TMEM132D: variants seen among roughly 807,000 people sequenced by gnomAD.
TMEM132D encodes the protein transmembrane protein 132D, also known as mature OL transmembrane protein.
In TMEM132D, 21 loss-of-function variants were observed where a neutral mutation model predicts 62.3. The observed-to-expected ratio is 0.34, with a 90% CI of 0.24 to 0.49. TMEM132D has a LOEUF of 0.49. Ranked by LOEUF, TMEM132D falls within the 20% of genes least tolerant of loss-of-function variation. TMEM132D has a pLI of 0.99. For synonymous variants in TMEM132D, 621 were observed against 575.6 expected (o/e 1.08, Z -1.13); for missense variants, 1,346 against 1,402.8 (o/e 0.96, Z 0.65).
chr12:129,352,000 A>G (rs79415290), intron 3 of TMEM132D, among the ~76,000 whole-genome samples: 6,233 of 152,160 alleles, frequency 0.041, 407 homozygotes, highest in African/African-American at 0.14. Flanking sequence ...GCAACTCTTC[A>G]GATTAAGGAT....
intron 4 of TMEM132D, among the ~76,000 whole-genome samples, chr12:129,317,381 T>C (rs1014583189): frequency 6.6e-6 from 1 of 152,220 alleles, no homozygotes; most frequent in African/African-American, 2.4e-5. Flanking sequence ...AAAACGATTG[T>C]ATCTTTCCTT....
chr12:129,572,815 T>A (rs1877555732), intron 2 of TMEM132D, among the ~76,000 whole-genome samples: 1 of 152,062 alleles, frequency 6.6e-6, no homozygotes, highest in African/African-American at 2.4e-5. Context: ...TAATTACTCC[T>A]TAGATTCTTT....
intron 2 of TMEM132D, among the ~76,000 whole-genome samples, chr12:129,679,452 C>T (rs1352129132): frequency 2.0e-5 from 3 of 152,000 alleles, no homozygotes; most frequent in African/African-American, 2.4e-5. Flanking sequence ...AACTTTTATT[C>T]GTAAATATAT....
chr12:129,336,319 T>G (rs145622834), intron 4 of TMEM132D, among the ~76,000 whole-genome samples: 1,826 of 152,286 alleles, frequency 0.012, 12 homozygotes, highest in Non-Finnish European at 0.016. Flanking sequence ...GGCTCACATC[T>G]GTAATCCCAG....
At chr12:129,451,866 G>A (rs1484246730) in intron 3 of TMEM132D, among the ~76,000 whole-genome samples, 1 of 152,166 alleles carries the variant, frequency 6.6e-6, no homozygotes, top group Non-Finnish European at 1.5e-5. Context: ...GGGTCACACG[G>A]CTATACTAGC....
chr12:129,595,488 C>A (rs1013499741), intron 2 of TMEM132D, among the ~76,000 whole-genome samples: 2 of 152,194 alleles, frequency 1.3e-5, no homozygotes, highest in Non-Finnish European at 2.9e-5. Context: ...GTACCCACAA[C>A]CCTTGCTACT....
At chr12:129,343,638 G>A (rs963925241) in intron 3 of TMEM132D, among the ~76,000 whole-genome samples, 9 of 151,582 alleles carry the variant, frequency 5.9e-5, no homozygotes, top group African/African-American at 1.7e-4. Flanking sequence ...GTTGCCGGGC[G>A]TGGTGGCTCA....
chr12:129,580,222 T>C (rs1373419962), intron 2 of TMEM132D, among the ~76,000 whole-genome samples: 2 of 151,998 alleles, frequency 1.3e-5, no homozygotes, highest in Admixed American at 1.3e-4. Flanking sequence ...TTCTTCAAGG[T>C]GAAAAAAACT....
At chr12:129,640,169 C>T (rs138093053) in intron 2 of TMEM132D, among the ~76,000 whole-genome samples, 401 of 152,256 alleles carry the variant, frequency 2.6e-3, no homozygotes, top group Middle Eastern at 6.8e-3. Context: ...CCTTCACTTG[C>T]TTCAGGGGCC....
At chr12:129,833,026 G>A (rs1283753768) in intron 1 of TMEM132D, among the ~76,000 whole-genome samples, 3 of 152,256 alleles carry the variant, frequency 2.0e-5, no homozygotes, top group Non-Finnish European at 2.9e-5. Context: ...GATGCCTCTC[G>A]CAAATTACAA....
At chr12:129,722,046 C>A (rs1422792092) in intron 1 of TMEM132D, among the ~76,000 whole-genome samples, 1 of 152,226 alleles carries the variant, frequency 6.6e-6, no homozygotes, top group Non-Finnish European at 1.5e-5. Flanking sequence ...ACTGCTGTGG[C>A]CAGCTAAATG....
intron 1 of TMEM132D, among the ~76,000 whole-genome samples, chr12:129,750,848 CA>C (rs368108663): frequency 5.6e-5 from 8 of 143,624 alleles, no homozygotes; most frequent in African/African-American, 1.8e-4. Context: ...TTTGCCTCAC[CA>C]AAAAAAAAAT....
At chr12:129,513,999 G>A (rs1355389340) in intron 3 of TMEM132D, among the ~76,000 whole-genome samples, 1 of 149,282 alleles carries the variant, frequency 6.7e-6, no homozygotes, top group East Asian at 2.0e-4. Context: ...CACCACGCCT[G>A]GCTAATTTTT....
intron 1 of TMEM132D, among the ~76,000 whole-genome samples, chr12:129,718,251 CAGGCTGGGTCACCA>C (rs1400847137): frequency 6.6e-6 from 1 of 152,172 alleles, no homozygotes; most frequent in African/African-American, 2.4e-5. Context: ...GCAAAGTGGC[CAGGCTGGGTCACCA>C]AGGCTGGGTC....
intron 3 of TMEM132D, among the ~76,000 whole-genome samples, chr12:129,466,986 A>G (rs1873931986): frequency 6.6e-6 from 1 of 152,224 alleles, no homozygotes. Context: ...TTGGATGAAT[A>G]GTCCTTAAAA....
intron 5 of TMEM132D, among the ~76,000 whole-genome samples, chr12:129,143,023 C>T (rs1341991186): frequency 6.6e-6 from 1 of 151,784 alleles, no homozygotes; most frequent in South Asian, 2.1e-4. Flanking sequence ...GTTTTTCCCA[C>T]CCCCCAAGCA....
chr12:129,604,944 C>T (rs1182032423), intron 2 of TMEM132D, among the ~76,000 whole-genome samples: 1 of 152,110 alleles, frequency 6.6e-6, no homozygotes, highest in Non-Finnish European at 1.5e-5. Flanking sequence ...GGGCAGTGAA[C>T]AAGAGGAGAT....
At chr12:129,756,008 C>T (rs1472410116) in intron 1 of TMEM132D, among the ~76,000 whole-genome samples, 1 of 152,174 alleles carries the variant, frequency 6.6e-6, no homozygotes, top group African/African-American at 2.4e-5. Context: ...TGTGACAGGC[C>T]TATTTCACCA....
chr12:129,449,318 G>A (rs1454584180), intron 3 of TMEM132D, among the ~76,000 whole-genome samples: 1 of 152,174 alleles, frequency 6.6e-6, no homozygotes, highest in Non-Finnish European at 1.5e-5. Flanking sequence ...GTGATGTTTA[G>A]AGCCATGCTT....
Sources: gnomAD v4.1 joint callset for allele counts (sites outside exome capture counted in the v4.1 genomes callset) on GRCh38, gnomAD v4.1.1 for gene constraint, MANE v1.5 for transcripts, NCBI Gene and HGNC (gene_info 2026-07-23, HGNC 2026-07-21) for gene names.